The following EXD3 variants were observed in gnomAD, a reference collection of about 807,000 sequenced individuals.
EXD3 encodes the protein exonuclease 3'-5' domain containing 3, also known as exonuclease mut-7 homolog.
Under a neutral mutation model 98.0 loss-of-function variants are expected in EXD3, and 92 were observed. The ratio of observed to expected loss-of-function variants is 0.94; its 90% confidence interval spans 0.79 to 1.12. The LOEUF (loss-of-function observed/expected upper bound fraction) is 1.12, where lower values mean the gene tolerates loss of function less well. Among genes scored for constraint, EXD3 ranks in the 50% most tolerant of loss-of-function variants. EXD3 has a pLI of 0.00. For missense variants in EXD3, 1,222 were observed against 1,191.6 expected (o/e 1.03, Z -0.38); for synonymous variants, 569 against 526.0 (o/e 1.08, Z -1.12).
intron 19 of EXD3, among the ~76,000 whole-genome samples, chr9:137,312,894 GACCTGACCTGGTGCCC>G (rs1166218651): frequency 3.3e-5 from 5 of 152,108 alleles, no homozygotes; most frequent in East Asian, 1.9e-4. Context: ...GTGCCCACCT[GACCTGACCTGGTGCCC>G]ACCTGACCTG....
rs561980868 is a variant in EXD3, at chr9:137,420,175, A to C, written c.-48+2939T>G. On this transcript the variant is annotated intron_variant, in intron 1 of 21. Transcript: ENST00000340951. ...ACTCCGCCTAAAAAAAAAACAAAAA[A>C]AACCCCAGCAAATTACATAGAACTG... 6.6e-5 allele frequency among the ~76,000 whole-genome samples: 10 copies of C among 152,176 alleles called. No homozygotes were observed. In the East Asian group the frequency reaches 1.7e-3, roughly 26 times the overall value.
intron 1 of EXD3, among the ~76,000 whole-genome samples, chr9:137,399,558 G>C (rs1255293186): frequency 6.6e-6 from 1 of 152,124 alleles, no homozygotes; most frequent in Non-Finnish European, 1.5e-5. Context: ...CTTTTTACAA[G>C]GGTCTCCTCT....
Position 137,387,164 on chromosome 9 carries a change from TCCCTGCCTGGCCCCC to T in EXD3, c.56-3802_56-3788del, listed in dbSNP as rs1444781816. On this transcript the variant is annotated intron_variant, in intron 2 of 21. Coordinates refer to ENST00000340951, the MANE Select transcript of EXD3 (RefSeq NM_017820.5). ...TCCCTGCCTGGCCCTCGGCCCCCGC[TCCCTGCCTGGCCCCC>T]GGCCCCTGCCCTTCTGCCCCTGTCG... Among the ~76,000 whole-genome samples the T allele has an allele frequency of 9.1e-5, 7 of 76,586 alleles. No individual in the cohort carries two copies. In the African/African-American group the frequency reaches 1.2e-3, roughly 13 times the overall value. 50.2% of individuals were successfully genotyped at this position (76,586 alleles called of 152,430 possible). A position where few individuals can be genotyped will look rare whatever the true frequency, so the allele number is the denominator to read the frequency against.
At chr9:137,318,325 C>A (rs1008539220) in intron 19 of EXD3, among the ~76,000 whole-genome samples, 2 of 152,136 alleles carry the variant, frequency 1.3e-5, no homozygotes, top group African/African-American at 2.4e-5. Flanking sequence ...CTGCCGGCAC[C>A]CCCCCTCGTC....
chr9:137,393,754 C>T lies in EXD3; in HGVS notation c.55+1549G>A, dbSNP rs1451771699. Among the ~76,000 whole-genome samples, 3 of 152,154 alleles carry T rather than the reference C, an allele frequency of 2.0e-5. No homozygotes were observed. Among genetic ancestry groups the T allele is most frequent in the Non-Finnish European group, 2.9e-5 (2 of 68,006 alleles). ...ACAGAGGGGAGGGCCATGGCCCTGCCCCATGGAGGGGCTGCCAGGCAGGGC... is the reference window on the plus strand; with the variant it reads ...ACAGAGGGGAGGGCCATGGCCCTGCTCCATGGAGGGGCTGCCAGGCAGGGC... On this transcript the variant is annotated intron_variant, in intron 2 of 21. Transcript: ENST00000340951. This position sits in a 1 kb window ranked among gnomAD's most constrained non-coding sequence, Gnocchi z 4.6.
chr9:137,410,678 C>A (rs2131822540), intron 1 of EXD3, among the ~76,000 whole-genome samples: 1 of 152,280 alleles, frequency 6.6e-6, no homozygotes, highest in East Asian at 1.9e-4. Context: ...GGGTCCCTAC[C>A]CACACGGGGC....
intron 1 of EXD3, among the ~76,000 whole-genome samples, chr9:137,421,187 G>A (rs1838496263): frequency 6.6e-6 from 1 of 152,068 alleles, no homozygotes; most frequent in African/African-American, 2.4e-5. Context: ...TCATGTGTAG[G>A]GTCTGTCTCC....
intron 3 of EXD3, among the ~76,000 whole-genome samples, chr9:137,379,867 C>T (rs1433242950): frequency 6.6e-6 from 1 of 152,046 alleles, no homozygotes; most frequent in East Asian, 1.9e-4. Context: ...TCCTGGCCCT[C>T]CAGACCCCAG....
chr9:137,307,345 G>A (rs991709334), intron 21 of EXD3, 82 bp from the exon 22 acceptor site: 54 of 1,435,308 alleles, frequency 3.8e-5, no homozygotes, highest in Middle Eastern at 2.6e-4. Flanking sequence ...TGCAGTTGGC[G>A]GCCCACGCTG....
intron 19 of EXD3, among the ~76,000 whole-genome samples, chr9:137,314,610 C>A (rs1194825861): frequency 6.6e-6 from 1 of 151,720 alleles, no homozygotes; most frequent in African/African-American, 2.4e-5. Context: ...TGCCCCCTGT[C>A]CCCCCGCCCC....
intron 12 of EXD3, among the ~76,000 whole-genome samples, chr9:137,351,742 C>T (rs888112384): frequency 1.3e-5 from 2 of 152,228 alleles, no homozygotes; most frequent in Admixed American, 1.3e-4. Flanking sequence ...GGAGGCCTGG[C>T]TGTTGTGAGC....
At chr9:137,400,698 G>A (rs1347301671) in intron 1 of EXD3, among the ~76,000 whole-genome samples, 3 of 151,890 alleles carry the variant, frequency 2.0e-5, no homozygotes, top group Non-Finnish European at 2.9e-5. Flanking sequence ...CTGGGAGGTG[G>A]AGGTTGCAAT....
intron 8 of EXD3, 97 bp downstream of exon 8, chr9:137,356,171 C>T (rs1191520980): frequency 1.8e-5 from 17 of 926,154 alleles, no homozygotes; most frequent in Non-Finnish European, 2.6e-5. Context: ...TTGGTTGGCA[C>T]CTGAACAACG....
At position 137,323,706 on chromosome 9, in the gene EXD3, C is replaced by T. The variant is rs377588247; in HGVS notation, c.2184+19G>A. On this transcript the variant is annotated intron_variant, in intron 19 of 21. Transcript: ENST00000340951. ...GATCTTGTGCCAGCCCCAGGTAGGA[C>T]GGGGTGCGCAGGACCCACCTGGCAG... 36 of 1,609,174 alleles carry T rather than the reference C, an allele frequency of 2.2e-5. No homozygotes were observed. Among genetic ancestry groups the T allele is most frequent in the South Asian group, 1.2e-4 (11 of 90,710 alleles).
intron 17 of EXD3, among the ~76,000 whole-genome samples, chr9:137,330,895 A>G (rs1205803470): frequency 6.6e-6 from 1 of 152,180 alleles, no homozygotes; most frequent in African/African-American, 2.4e-5. Flanking sequence ...CATCAACACT[A>G]AAAGACGTCA....
rs549605239 is a variant in EXD3 at position 137,313,906 on chromosome 9, C to G, written c.2185-4206G>C. ...CACACGAAAGGGTGCCCAGCACCTT[C>G]CCTGGACAGGCCTCTGCACGGCTAG... On this transcript the variant is annotated intron_variant, in intron 19 of 21. Coordinates refer to ENST00000340951, the MANE Select transcript of EXD3 (RefSeq NM_017820.5). Among the ~76,000 whole-genome samples, 3 of 152,330 alleles carry G rather than the reference C, an allele frequency of 2.0e-5. No homozygotes were observed. In the East Asian group the frequency reaches 5.8e-4, roughly 29 times the overall value.
chr9:137,312,611 G>A (rs1323766436), intron 19 of EXD3, among the ~76,000 whole-genome samples: 1 of 152,324 alleles, frequency 6.6e-6, no homozygotes, highest in African/African-American at 2.4e-5. Flanking sequence ...GGCCCAAGGA[G>A]GAGTGAGGGA....
intron 6 of EXD3, among the ~76,000 whole-genome samples, chr9:137,366,879 G>A (rs1256568198): frequency 2.6e-5 from 4 of 152,228 alleles, no homozygotes; most frequent in Non-Finnish European, 5.9e-5. Context: ...GGGGGACCCT[G>A]GGGAAGCTCA....
At chr9:137,413,816 C>T (rs1225655795) in intron 1 of EXD3, among the ~76,000 whole-genome samples, 1 of 152,096 alleles carries the variant, frequency 6.6e-6, no homozygotes, top group African/African-American at 2.4e-5. Context: ...CAATTACTCC[C>T]TCTGCCCCTC....
Sources: gnomAD v4.1 joint callset for allele counts (sites outside exome capture counted in the v4.1 genomes callset) on GRCh38, gnomAD v4.1.1 for gene constraint, Gnocchi (gnomAD v3.1) non-coding constraint, MANE v1.5 for transcripts, NCBI Gene and HGNC (gene_info 2026-07-23, HGNC 2026-07-21) for gene names.